Variants in NGEF observed in about 807,000 individuals in gnomAD.
NGEF encodes ephexin-1.
In NGEF, 31 loss-of-function variants were observed where a neutral mutation model predicts 80.9. That is an observed-to-expected ratio of 0.38 (90% CI 0.29 to 0.52). NGEF has a LOEUF of 0.52. Ranked by LOEUF, NGEF falls within the 20% of genes least tolerant of loss-of-function variation. The probability of loss-of-function intolerance (pLI) is 0.84; values close to 1 mark genes in which losing one functional copy is unlikely to be tolerated. For synonymous variants in NGEF, 371 were observed against 370.2 expected (o/e 1.00, Z -0.03); for missense variants, 709 against 926.2 (o/e 0.77, Z 3.04).
In NGEF at chr2:232,968,093, C is replaced by CTTTTTTTTTTTTTTTTTT. The variant is rs1274944227; in HGVS notation, c.383+2120_383+2121insAAAAAAAAAAAAAAAAAA. Among the ~76,000 whole-genome samples the CTTTTTTTTTTTTTTTTTT allele has an allele frequency of 3.2e-3, 404 of 125,542 alleles. 21 individuals are homozygous for CTTTTTTTTTTTTTTTTTT. The highest frequency in any genetic ancestry group is 4.0e-3 in the South Asian group (16 of 4,002). The allele number at this position is 125,542 out of a possible 152,430, so 82.4% of individuals were successfully genotyped here. On this transcript the variant is annotated intron_variant, in intron 3 of 14. Coordinates refer to ENST00000264051, the MANE Select transcript of NGEF (RefSeq NM_019850.3). The stretch of plus-strand genomic sequence containing the variant: ...TTGCTGAGGGCAGAAACAGACCTGG[C>CTTTTTTTTTTTTTTTTTT]TTTTTTTTTTTTGAGACAAAGTTTC...
intron 6 of NGEF, among the ~76,000 whole-genome samples, chr2:232,893,933 ACCCACTTGGAGG>A (rs1468454902): frequency 6.6e-6 from 1 of 152,012 alleles, no homozygotes; most frequent in African/African-American, 2.4e-5. Context: ...TGGAGGAGAG[ACCCACTTGGAGG>A]CCCACAGAGA....
chr2:232,955,475 T>A (rs1693802448), intron 3 of NGEF, among the ~76,000 whole-genome samples: 1 of 152,198 alleles, frequency 6.6e-6, no homozygotes, highest in Non-Finnish European at 1.5e-5. Context: ...CTCTTTGCTG[T>A]CCTTAAACTG....
intron 5 of NGEF, among the ~76,000 whole-genome samples, chr2:232,898,908 TTG>T (rs2106243250): frequency 6.6e-6 from 1 of 151,936 alleles, no homozygotes; most frequent in South Asian, 2.1e-4. Context: ...GTGTGGGAAA[TTG>T]TGGGTGAATG....
At chr2:233,001,026 G>T (rs901265830) in intron 1 of NGEF, among the ~76,000 whole-genome samples, 1 of 152,142 alleles carries the variant, frequency 6.6e-6, no homozygotes, top group Non-Finnish European at 1.5e-5. Context: ...CCCCTTCCTT[G>T]GGAGCTGCCT....
At chr2:232,897,063 TA>T (rs1156808544) in intron 5 of NGEF, among the ~76,000 whole-genome samples, 2 of 68,516 alleles carry the variant, frequency 2.9e-5, no homozygotes, top group Non-Finnish European at 5.8e-5. Context: ...AGGGTGGGAG[TA>T]GGGGTGGGGT....
chr2:232,971,857 G>T (rs993990956), intron 2 of NGEF, among the ~76,000 whole-genome samples: 2 of 152,124 alleles, frequency 1.3e-5, no homozygotes, highest in Non-Finnish European at 2.9e-5. Flanking sequence ...GCCCTCCCCA[G>T]CTTCATCCCA....
chr2:232,903,420 T>C (rs779483803), intron 5 of NGEF, among the ~76,000 whole-genome samples: 1 of 148,998 alleles, frequency 6.7e-6, no homozygotes, highest in Admixed American at 6.8e-5. Context: ...CTAGTTTACA[T>C]TTGTGTGACA....
intron 6 of NGEF, among the ~76,000 whole-genome samples, chr2:232,893,656 T>G (rs1386192894): frequency 6.6e-6 from 1 of 152,110 alleles, no homozygotes; most frequent in African/African-American, 2.4e-5. Context: ...ACGCCTGTAA[T>G]CCCAGCTACT....
rs1232705282 is a variant in NGEF at position 232,899,842 on chromosome 2, ACT to A, written c.829-4928_829-4927del. ...CTCATATACACGTTCACTCACATTCACTCACACACACACGCTCTCACAGTCAC... is the reference window on the plus strand; with the variant it reads ...CTCATATACACGTTCACTCACATTCACACACACACACGCTCTCACAGTCAC... On this transcript the variant is annotated intron_variant, in intron 5 of 14. Coordinates refer to ENST00000264051, the MANE Select transcript of NGEF (RefSeq NM_019850.3). 1.4e-4 allele frequency among the ~76,000 whole-genome samples: 18 copies of A among 132,120 alleles called. No homozygotes were observed. In the South Asian group the frequency reaches 1.8e-3, roughly 14 times the overall value. 86.7% of individuals were successfully genotyped at this position (132,120 alleles called of 152,430 possible).
intron 3 of NGEF, among the ~76,000 whole-genome samples, chr2:232,967,616 G>A (rs1321861408): frequency 1.3e-5 from 2 of 151,950 alleles, no homozygotes; most frequent in Non-Finnish European, 2.9e-5. Flanking sequence ...CTCTTTTCTT[G>A]TAAGTTACCC....
At chr2:232,890,266 G>A (rs528479603) in intron 8 of NGEF, among the ~76,000 whole-genome samples, 20 of 147,186 alleles carry the variant, frequency 1.4e-4, no homozygotes, top group African/African-American at 4.9e-4. Flanking sequence ...CAGGTGGAGG[G>A]GGTCTTGGGC....
chr2:232,937,628 CA>C (rs2106293957), intron 3 of NGEF, among the ~76,000 whole-genome samples: 1 of 152,320 alleles, frequency 6.6e-6, no homozygotes, highest in African/African-American at 2.4e-5. Flanking sequence ...GCATCCTCAG[CA>C]CCAGCACTTC....
chr2:232,957,254 G>A (rs1177216322), intron 3 of NGEF, among the ~76,000 whole-genome samples: 1 of 152,154 alleles, frequency 6.6e-6, no homozygotes, highest in Non-Finnish European at 1.5e-5. Flanking sequence ...TACAGGTAGA[G>A]AAAATCCACA....
At chr2:232,994,413 C>G (rs1329112298) in intron 1 of NGEF, among the ~76,000 whole-genome samples, 2 of 151,110 alleles carry the variant, frequency 1.3e-5, no homozygotes, top group African/African-American at 2.4e-5. Flanking sequence ...AGAGGGATAT[C>G]AATAGAAGTT....
At chr2:233,006,236 CTCTT>C (rs1451281885) in intron 1 of NGEF, among the ~76,000 whole-genome samples, 2 of 152,222 alleles carry the variant, frequency 1.3e-5, no homozygotes, top group South Asian at 4.1e-4. Flanking sequence ...TTCCCCAAAA[CTCTT>C]TCCACACCAG....
At chr2:233,007,188 G>A (rs899923076) in intron 1 of NGEF, among the ~76,000 whole-genome samples, 3 of 152,166 alleles carry the variant, frequency 2.0e-5, no homozygotes, top group Non-Finnish European at 2.9e-5. Flanking sequence ...AGGGTGCAAT[G>A]AGCCATGATC....
At chr2:232,999,864 G>A (rs780417313) in intron 1 of NGEF, among the ~76,000 whole-genome samples, 1 of 152,202 alleles carries the variant, frequency 6.6e-6, no homozygotes, top group Non-Finnish European at 1.5e-5. Flanking sequence ...TTTGCATGTC[G>A]GGGTTGCTGT....
Position 232,899,366 on chromosome 2 carries a change from G to A in NGEF, c.829-4450C>T, listed in dbSNP as rs1022056210. 2.6e-5 allele frequency among the ~76,000 whole-genome samples: 4 copies of A among 152,286 alleles called. 1 individual carries two copies. The highest frequency in any genetic ancestry group is 6.5e-5 in the Admixed American group (1 of 15,306). The stretch of plus-strand genomic sequence containing the variant: ...CTCTCAGCTCTGTTGCTATCTGCCA[G>A]TATTCACGTCACACTTCCTGGCTTT... On this transcript the variant is annotated intron_variant, in intron 5 of 14. Coordinates refer to ENST00000264051, the MANE Select transcript of NGEF (RefSeq NM_019850.3).
chr2:232,927,558 C>G (rs368042196), intron 3 of NGEF, among the ~76,000 whole-genome samples: 1 of 152,142 alleles, frequency 6.6e-6, no homozygotes, highest in Non-Finnish European at 1.5e-5. Context: ...CACTCGACCC[C>G]CGGCCCCTTT....
Sources: allele counts gnomAD v4.1 joint callset (sites outside exome capture counted in the v4.1 genomes callset), GRCh38; gene constraint gnomAD v4.1.1; transcripts MANE v1.5; gene names NCBI Gene and HGNC (gene_info 2026-07-23, HGNC 2026-07-21).